CRACDL: variants seen among roughly 807,000 people sequenced by gnomAD.
The protein encoded by CRACDL is CRACD-like protein.
Under a neutral mutation model 70.6 loss-of-function variants are expected in CRACDL, and 26 were observed. The ratio of observed to expected loss-of-function variants is 0.37; its 90% CI spans 0.27 to 0.51. The LOEUF (loss-of-function observed/expected upper bound fraction) is 0.51. CRACDL is among the 20% of genes least tolerant of loss of function. CRACDL has a pLI of 0.94. For synonymous variants in CRACDL, 618 were observed against 615.2 expected (o/e 1.00, Z -0.07); for missense variants, 1,283 against 1,376.9 (o/e 0.93, Z 1.08).
At chr2:98,895,677 G>A (rs1368336703) in intron 1 of CRACDL, among the ~76,000 whole-genome samples, 2 of 152,096 alleles carry the variant, frequency 1.3e-5, no homozygotes, top group Admixed American at 6.5e-5. Flanking sequence ...ATTAAAGCAC[G>A]GCAAGATTTT....
chr2:98,855,879 A>G (rs1706679617), intron 1 of CRACDL, among the ~76,000 whole-genome samples: 4 of 152,224 alleles, frequency 2.6e-5, no homozygotes, highest in African/African-American at 7.2e-5. Context: ...TCAACAGGAG[A>G]TTCGAGTTGG....
In CRACDL at chr2:98,821,954, G is replaced by T; in HGVS notation, c.2319C>A (p.Leu773=). 1 of 1,550,246 alleles carries T rather than the reference G, an allele frequency of 6.5e-7. No homozygotes were observed. Among genetic ancestry groups the T allele is most frequent in the Non-Finnish European group, 8.7e-7 (1 of 1,150,308 alleles). Residue 773 remains leucine, a synonymous_variant, in exon 7 of 10, where the codon CTC becomes CTA. Coordinates refer to ENST00000397899, the MANE Select transcript of CRACDL (RefSeq NM_207362.3). ...CGTCGGGGGGCGCGGGCTGGTGCGGGAGCGTGAAGCTCTGCAGAAGCGGCT... is the reference window on the plus strand; with the variant it reads ...CGTCGGGGGGCGCGGGCTGGTGCGGTAGCGTGAAGCTCTGCAGAAGCGGCT... ...PRKPLLQSFT[L]PHQPAPPDAG...
chr2:98,917,219 C>T (rs1188893070), intron 1 of CRACDL, among the ~76,000 whole-genome samples: 1 of 152,210 alleles, frequency 6.6e-6, no homozygotes, highest in Non-Finnish European at 1.5e-5. Context: ...ATGACTCATT[C>T]CCCATCATTG....
intron 2 of CRACDL, among the ~76,000 whole-genome samples, chr2:98,843,922 C>G (rs1411436885): frequency 6.6e-6 from 1 of 152,150 alleles, no homozygotes; most frequent in African/African-American, 2.4e-5. Context: ...ATTGCTTCAT[C>G]TTTACCCCTC....
chr2:98,820,019 C>G (rs1013253656), intron 7 of CRACDL, among the ~76,000 whole-genome samples: 1 of 151,454 alleles, frequency 6.6e-6, no homozygotes, highest in Non-Finnish European at 1.5e-5. Flanking sequence ...GGGGTTTCAC[C>G]ACGTTGGCCA....
At position 98,796,002 on chromosome 2, in the gene CRACDL, G is replaced by A. The variant is rs1703801745; in HGVS notation, c.2749+118C>T. 4 of 893,220 alleles carry A rather than the reference G, an allele frequency of 4.5e-6. No homozygotes were observed. In the Admixed American group the frequency reaches 5.3e-5, roughly 12 times the overall value. 55.3% of individuals were successfully genotyped at this position (893,220 alleles called of 1,614,324 possible). A position where few individuals can be genotyped will look rare whatever the true frequency, so the allele number is the denominator to read the frequency against. On this transcript the variant is annotated intron_variant, in intron 9 of 9. Transcript: ENST00000397899. ...TAAATTGTATCTCCGTAAGAGCTGT[G>A]TAGAAAACTCAATGTTGCAAGTAAT...
intron 1 of CRACDL, among the ~76,000 whole-genome samples, chr2:98,931,978 T>C (rs1287844611): frequency 6.6e-6 from 1 of 152,244 alleles, no homozygotes; most frequent in East Asian, 1.9e-4. Context: ...TTTGTCAAAA[T>C]CATAAATGTG....
chr2:98,803,827 T>C (rs189622847), intron 7 of CRACDL, among the ~76,000 whole-genome samples: 31 of 152,310 alleles, frequency 2.0e-4, no homozygotes, highest in Admixed American at 1.8e-3. Context: ...GGTCCTCTGC[T>C]CTGCCTGCCA....
rs773001453 is a variant in CRACDL, at chr2:98,796,154, C to T, written c.2715G>A (p.Leu905=). 1.2e-5 allele frequency: 20 copies of T among 1,614,160 alleles called. No individual in the cohort carries two copies. In the South Asian group the frequency reaches 1.6e-4, roughly 13 times the overall value. ...QGAKLNFKEG[L]QRGISLSHQN... ...GATGGGACAATGAGATTCCTCTTTG[C>T]AGCCCCTCCTTGAAGTTGAGCTTTG... Residue 905 remains leucine, a synonymous_variant, in exon 9 of 10, where the codon CTG becomes CTA. Coordinates refer to ENST00000397899, the MANE Select transcript of CRACDL (RefSeq NM_207362.3).
Position 98,838,420 on chromosome 2 carries a change from C to G in CRACDL, c.71-133G>C, listed in dbSNP as rs545566558. ...CATCAGTTATCTGCTTCTGAAAAGTCCTTTTACTTCGCAAAAGTACATGGT... is the reference window on the plus strand; with the variant it reads ...CATCAGTTATCTGCTTCTGAAAAGTGCTTTTACTTCGCAAAAGTACATGGT... On this transcript the variant is annotated intron_variant, in intron 2 of 9. Coordinates refer to ENST00000397899, the MANE Select transcript of CRACDL (RefSeq NM_207362.3). 12 of 531,366 alleles carry G rather than the reference C, an allele frequency of 2.3e-5. No homozygotes were observed. The South Asian group carries it at 2.9e-4, about 13-fold the overall frequency. 32.9% of individuals were successfully genotyped at this position (531,366 alleles called of 1,614,324 possible).
intron 1 of CRACDL, chr2:98,869,340 C>G (rs1038618322): frequency 1.8e-6 from 2 of 1,133,758 alleles, no homozygotes; most frequent in Non-Finnish European, 2.3e-6. Flanking sequence ...GCTCCTTGGG[C>G]GGGTGCACAG....
intron 1 of CRACDL, among the ~76,000 whole-genome samples, chr2:98,896,104 G>A (rs1019484061): frequency 1.3e-5 from 2 of 152,194 alleles, no homozygotes; most frequent in African/African-American, 4.8e-5. Context: ...GGGGGCTGTG[G>A]CAGGAGGGCT....
chr2:98,800,916 G>A (rs138540151), intron 7 of CRACDL, among the ~76,000 whole-genome samples: 1 of 152,202 alleles, frequency 6.6e-6, no homozygotes, highest in Non-Finnish European at 1.5e-5. Context: ...CTGTGGGGTA[G>A]GAATGTTTCC....
chr2:98,931,123 G>A (rs188101671), intron 1 of CRACDL, among the ~76,000 whole-genome samples: 3 of 152,170 alleles, frequency 2.0e-5, no homozygotes, highest in African/African-American at 2.4e-5. Flanking sequence ...TCAGGAGATC[G>A]AGACCAGCCT....
At chr2:98,918,793 G>A (rs1045095147) in intron 1 of CRACDL, among the ~76,000 whole-genome samples, 2 of 152,118 alleles carry the variant, frequency 1.3e-5, no homozygotes, top group Middle Eastern at 6.8e-3. Context: ...TTTTGTGTGG[G>A]TTTGTTGAGT....
rs1048095857 is a variant in CRACDL at position 98,793,925 on chromosome 2, A to G, written c.*607T>C. 2.6e-5 allele frequency: 4 copies of G among 152,686 alleles called. No individual in the cohort carries two copies. The highest frequency in any genetic ancestry group is 7.2e-5 in the African/African-American group (3 of 41,456). The allele number at this position is 152,686 out of a possible 1,614,324, so 9.5% of individuals were successfully genotyped here. A position where few individuals can be genotyped will look rare whatever the true frequency, so the allele number is the denominator to read the frequency against. On this transcript the variant is annotated 3_prime_UTR_variant, in exon 10 of 10. Transcript: ENST00000397899. ...CAGATGCCTAGTGGAAAAGTTTAAAAATTATTTTTGGAAACAGTCTATGAA... is the reference window on the plus strand; with the variant it reads ...CAGATGCCTAGTGGAAAAGTTTAAAGATTATTTTTGGAAACAGTCTATGAA...
chr2:98,920,151 C>T (rs1262651509), intron 1 of CRACDL, among the ~76,000 whole-genome samples: 1 of 152,160 alleles, frequency 6.6e-6, no homozygotes, highest in East Asian at 1.9e-4. Flanking sequence ...TTGGAAACAA[C>T]CGAAATATGT....
At chr2:98,909,509 C>T (rs989393639) in intron 1 of CRACDL, among the ~76,000 whole-genome samples, 4 of 152,196 alleles carry the variant, frequency 2.6e-5, no homozygotes, top group African/African-American at 9.7e-5. Flanking sequence ...AAGCAACCGT[C>T]GTCAAACCAC....
intron 1 of CRACDL, among the ~76,000 whole-genome samples, chr2:98,896,349 A>T (rs1333768846): frequency 1.3e-5 from 2 of 152,244 alleles, no homozygotes; most frequent in Non-Finnish European, 2.9e-5. Context: ...AGAGGAATAA[A>T]TCAAGAGCTG....
Sources: allele counts gnomAD v4.1 joint callset (sites outside exome capture counted in the v4.1 genomes callset), GRCh38; gene constraint gnomAD v4.1.1; transcripts MANE v1.5; gene names NCBI Gene and HGNC (gene_info 2026-07-23, HGNC 2026-07-21).